Variants in PCCA observed in about 807,000 individuals in gnomAD.
PCCA encodes propionyl-CoA carboxylase alpha chain, mitochondrial.
In PCCA, 74 loss-of-function variants were observed where a neutral mutation model predicts 101.3. The observed-to-expected ratio is 0.73, with a 90% CI of 0.61 to 0.89. The LOEUF (loss-of-function observed/expected upper bound fraction) is 0.89, where lower values mean the gene tolerates loss of function less well. PCCA is among the 40% of genes least tolerant of loss of function. The pLI is 0.00. For synonymous variants in PCCA, 294 were observed against 313.6 expected (o/e 0.94, Z 0.66); for missense variants, 891 against 907.0 (o/e 0.98, Z 0.23).
intron 1 of PCCA, among the ~76,000 whole-genome samples, chr13:100,101,763 A>AT: frequency 6.6e-6 from 1 of 151,410 alleles, no homozygotes; most frequent in Admixed American, 6.6e-5. Flanking sequence ...TGCCCCGCTA[A>AT]TTTTTTTGTG....
chr13:100,208,240 C>T (rs2058989595), intron 6 of PCCA, among the ~76,000 whole-genome samples: 1 of 152,144 alleles, frequency 6.6e-6, no homozygotes, highest in Non-Finnish European at 1.5e-5. Flanking sequence ...GTTTAATCCT[C>T]TTGGTCATGA....
At chr13:100,118,323 T>G (rs1350757766) in intron 4 of PCCA, among the ~76,000 whole-genome samples, 1 of 152,116 alleles carries the variant, frequency 6.6e-6, no homozygotes, top group African/African-American at 2.4e-5. Flanking sequence ...AGTTGTCCTT[T>G]TTAATATTTT....
chr13:100,150,943 C>T (rs1379749669), intron 4 of PCCA: 3 of 1,528,746 alleles, frequency 2.0e-6, no homozygotes, highest in Non-Finnish European at 9.1e-7. Flanking sequence ...CCTCGCAGCC[C>T]AGTCAGCGCG....
chr13:100,244,967 G>GCA (rs1566785378), intron 8 of PCCA, among the ~76,000 whole-genome samples: 4 of 149,362 alleles, frequency 2.7e-5, no homozygotes, highest in African/African-American at 9.9e-5. Flanking sequence ...GTGTGTGTGC[G>GCA]CAGTAGTAGA....
At chr13:100,106,791 T>G (rs2047841845) in intron 2 of PCCA, among the ~76,000 whole-genome samples, 1 of 152,220 alleles carries the variant, frequency 6.6e-6, no homozygotes, top group South Asian at 2.1e-4. Flanking sequence ...CTTAGCATGT[T>G]TCGTCATAAA....
chr13:100,461,319 G>T (rs1210369355), intron 21 of PCCA, among the ~76,000 whole-genome samples: 1 of 152,160 alleles, frequency 6.6e-6, no homozygotes, highest in East Asian at 1.9e-4. Flanking sequence ...CATATTTATA[G>T]ATATGTAAAC....
intron 23 of PCCA, among the ~76,000 whole-genome samples, chr13:100,528,341 CTGA>C (rs1426526154): frequency 6.6e-6 from 1 of 152,186 alleles, no homozygotes. Context: ...ACTAAAAAGA[CTGA>C]AAAGATGCCG....
At chr13:100,522,532 C>T (rs963225338) in intron 22 of PCCA, among the ~76,000 whole-genome samples, 2 of 152,222 alleles carry the variant, frequency 1.3e-5, no homozygotes, top group East Asian at 3.9e-4. Flanking sequence ...CGGGGCGGCT[C>T]GATGCTGTGA....
At chr13:100,223,886 C>T (rs2059971144) in intron 7 of PCCA, among the ~76,000 whole-genome samples, 1 of 152,212 alleles carries the variant, frequency 6.6e-6, no homozygotes, top group Admixed American at 6.5e-5. Flanking sequence ...TTCACAAACC[C>T]TGAGCTAGAC....
chr13:100,230,001 G>A (rs557616492), intron 7 of PCCA, among the ~76,000 whole-genome samples: 18 of 152,334 alleles, frequency 1.2e-4, no homozygotes, highest in South Asian at 4.1e-4. Flanking sequence ...GCATTTGTGA[G>A]ATTGTGTCTT....
chr13:100,310,134 C>G (rs2066796669), intron 16 of PCCA, among the ~76,000 whole-genome samples: 1 of 152,180 alleles, frequency 6.6e-6, no homozygotes, highest in African/African-American at 2.4e-5. Flanking sequence ...ATATATTACT[C>G]TATATAACCA....
At chr13:100,154,419 T>G in intron 4 of PCCA, 1 of 155,386 alleles carries the variant, frequency 6.4e-6, no homozygotes, top group East Asian at 1.9e-4. Flanking sequence ...GAAGATTGAA[T>G]GTGAGAGTAT....
At chr13:100,396,078 A>C (rs2077033362) in intron 19 of PCCA, among the ~76,000 whole-genome samples, 1 of 152,238 alleles carries the variant, frequency 6.6e-6, no homozygotes, top group African/African-American at 2.4e-5. Context: ...ATTTAACGTT[A>C]TGCTGAAAAC....
At chr13:100,103,141 G>C (rs2047428115) in intron 2 of PCCA, among the ~76,000 whole-genome samples, 181 bp downstream of exon 2, 1 of 151,960 alleles carries the variant, frequency 6.6e-6, no homozygotes, top group South Asian at 2.1e-4. Context: ...TTTCATTGTG[G>C]GCCACAGTCT....
chr13:100,224,279 A>T (rs998882510), intron 7 of PCCA, among the ~76,000 whole-genome samples: 5 of 152,232 alleles, frequency 3.3e-5, no homozygotes, highest in Non-Finnish European at 5.9e-5. Flanking sequence ...CACCCTCTGC[A>T]GCTGCTGGCC....
chr13:100,369,181 G>T (rs1276137578), intron 19 of PCCA, among the ~76,000 whole-genome samples: 1 of 152,140 alleles, frequency 6.6e-6, no homozygotes, highest in Non-Finnish European at 1.5e-5. Flanking sequence ...ACCATTAAGA[G>T]TTGCTGTTTT....
At chr13:100,126,785 A>G (rs972261153) in intron 4 of PCCA, among the ~76,000 whole-genome samples, 11 of 152,158 alleles carry the variant, frequency 7.2e-5, no homozygotes, top group Non-Finnish European at 1.3e-4. Context: ...TATTGTACAG[A>G]TGAACACCAT....
intron 16 of PCCA, among the ~76,000 whole-genome samples, chr13:100,324,899 T>G (rs1247268863): frequency 1.3e-5 from 2 of 152,282 alleles, no homozygotes; most frequent in East Asian, 3.9e-4. Context: ...TTCATCATGT[T>G]TAGTGCAAAC....
intron 20 of PCCA, among the ~76,000 whole-genome samples, chr13:100,435,367 C>A (rs887268112): frequency 6.6e-6 from 1 of 152,176 alleles, no homozygotes; most frequent in African/African-American, 2.4e-5. Flanking sequence ...CCCCACCTGC[C>A]ATGTCGAGAA....
Sources: allele counts gnomAD v4.1 joint callset (sites outside exome capture counted in the v4.1 genomes callset), GRCh38; gene constraint gnomAD v4.1.1; transcripts MANE v1.5; gene names NCBI Gene and HGNC (gene_info 2026-07-23, HGNC 2026-07-21).